Variants in RLF observed in about 807,000 individuals in gnomAD.
RLF encodes RLF zinc finger.
RLF carries 7 observed loss-of-function variants against 162.9 expected under a neutral mutation model. That is an observed-to-expected ratio of 0.04 (90% confidence interval 0.02 to 0.08). The LOEUF is 0.08. Ranked by LOEUF, RLF falls within the 10% of genes least tolerant of loss-of-function variation. The pLI is 1.00. For synonymous variants in RLF, 782 were observed against 791.5 expected, an observed-to-expected ratio of 0.99 and a Z score of 0.20; for missense variants, 1,664 against 2,244.7, an observed-to-expected ratio of 0.74 and a Z score of 5.23.
At chr1:40,179,662 C>T (rs1265042173) in intron 1 of RLF, among the ~76,000 whole-genome samples, 4 of 150,466 alleles carry the variant, frequency 2.7e-5, no homozygotes, top group Non-Finnish European at 2.9e-5. Context: ...CATTGTTGTG[C>T]AACCATTACC....
Position 40,236,499 on chromosome 1 carries a change from T to C in RLF, c.1797T>C (p.Pro599=). The C allele has an allele frequency of 6.2e-7, 1 of 1,613,780 alleles. No homozygotes were observed. The highest frequency in any genetic ancestry group is 1.7e-5 in the Admixed American group (1 of 59,954). The part of the protein sequence containing the change: ...KKFKRKEMFV[P]HVMEHVKMPP... ...TTAAGAGAAAAGAAATGTTTGTTCC[T>C]CATGTGATGGAGCATGTTAAAATGC... is the stretch of plus-strand genomic sequence containing the variant. Residue 599 remains proline, a synonymous_variant, in exon 8 of 8, where the codon CCT becomes CCC. Coordinates refer to ENST00000372771, the MANE Select transcript of RLF (RefSeq NM_012421.4). This position sits in a 1 kb window ranked among gnomAD's most constrained non-coding sequence, Gnocchi z 7.7.
intron 1 of RLF, chr1:40,177,988 TCA>T (rs1429365734): frequency 6.5e-6 from 1 of 153,962 alleles, no homozygotes; most frequent in Non-Finnish European, 1.5e-5. Context: ...GAAGAGTACT[TCA>T]AATGCAGTAA....
In RLF at chr1:40,238,388, C is replaced by T. The variant is rs1384031626; in HGVS notation, c.3686C>T (p.Ala1229Val). ...GATAGGTTGAAAGGTGATTGTTCTG[C>T]AGAACTTGGAGGTGATCCCAGTAGT... ...SVDRLKGDCS[A>V]ELGGDPSSNS... The change falls in exon 8 of 8, where the codon GCA (alanine) becomes GTA (valine). Residue 1229 changes from alanine (A) to valine (V), a missense_variant. Coordinates refer to ENST00000372771, the MANE Select transcript of RLF (RefSeq NM_012421.4). This position sits in a 1 kb window ranked among gnomAD's most constrained non-coding sequence, Gnocchi z 5.2. 3 of 1,614,042 alleles carry T rather than the reference C, an allele frequency of 1.9e-6. No homozygotes were observed. The African/African-American group carries it at 4.0e-5, about 22-fold the overall frequency.
chr1:40,196,458 A>T (rs1642638310), intron 4 of RLF, among the ~76,000 whole-genome samples: 1 of 151,844 alleles, frequency 6.6e-6, no homozygotes, highest in Admixed American at 6.6e-5. Context: ...ATTGGAATTC[A>T]TTGTTTTATA....
chr1:40,237,235 A>G lies in RLF; in HGVS notation c.2533A>G (p.Thr845Ala). 1 of 1,614,042 alleles carries G rather than the reference A, an allele frequency of 6.2e-7. No homozygotes were observed. The highest frequency in any genetic ancestry group is 8.5e-7 in the Non-Finnish European group (1 of 1,179,982). Residue 845 changes from threonine to alanine, a missense_variant, in exon 8 of 8, where the codon ACA becomes GCA. By Grantham distance (58) the Thr-to-Ala change is moderately conservative. Coordinates refer to ENST00000372771, the MANE Select transcript of RLF (RefSeq NM_012421.4). The surrounding 1 kb of genome is among the most constrained non-coding windows in gnomAD (Gnocchi z 4.4). ...ATCAGTGAAACTTGAGGAGTCTGCA[A>G]CAGGTGAAAAGCAAGATTGTATTAA... ...KKSVKLEESA[T>A]GEKQDCINQP...
intron 6 of RLF, among the ~76,000 whole-genome samples, chr1:40,227,502 A>G (rs1246136409): frequency 6.6e-6 from 1 of 152,208 alleles, no homozygotes; most frequent in African/African-American, 2.4e-5. Context: ...CCTCATGAGT[A>G]ACATACTGGC....
At chr1:40,173,426 G>T (rs1014894671) in intron 1 of RLF, among the ~76,000 whole-genome samples, 1 of 151,244 alleles carries the variant, frequency 6.6e-6, no homozygotes, top group Non-Finnish European at 1.5e-5. Context: ...TTTTTTGTGA[G>T]GTTTACCTTT....
rs199909677 is a variant in RLF, at chr1:40,240,240, A to G, written c.5538A>G (p.Leu1846=). The stretch of plus-strand genomic sequence containing the variant: ...AGAACCTGACTGCAATCCCACCTTT[A>G]ATAGTAGCTGAAACAACAACAGTTC... ...IHENLTAIPP[L]IVAETTTVPS... Residue 1846 remains leucine, a synonymous_variant, in exon 8 of 8, where the codon TTA becomes TTG. Transcript: ENST00000372771. 97 of 1,614,064 alleles carry G rather than the reference A, an allele frequency of 6.0e-5. No homozygotes were observed. Among genetic ancestry groups the G allele is most frequent in the Non-Finnish European group, 7.7e-5 (91 of 1,180,038 alleles).
chr1:40,217,356 A>G (rs1272666452), intron 5 of RLF, among the ~76,000 whole-genome samples: 1 of 152,102 alleles, frequency 6.6e-6, no homozygotes, highest in Non-Finnish European at 1.5e-5. Flanking sequence ...AGTCCCAGCT[A>G]CCTTGGAGGC....
At chr1:40,185,466 C>T (rs1330482473) in intron 1 of RLF, among the ~76,000 whole-genome samples, 1 of 119,472 alleles carries the variant, frequency 8.4e-6, no homozygotes, top group African/African-American at 3.2e-5. Context: ...GAAAGGATTA[C>T]AGCCATCCTG....
At chr1:40,205,821 G>T (rs977715745) in intron 5 of RLF, among the ~76,000 whole-genome samples, 4 of 152,136 alleles carry the variant, frequency 2.6e-5, no homozygotes, top group Middle Eastern at 3.4e-3. Context: ...ATTCTAATAT[G>T]ACCTTTGCCC....
In RLF at chr1:40,180,043, A is replaced by T. The variant is rs952458956; in HGVS notation, c.238-9012A>T. Among the ~76,000 whole-genome samples, 3 of 152,256 alleles carry T rather than the reference A, an allele frequency of 2.0e-5. No individual in the cohort carries two copies. The South Asian group carries it at 6.2e-4, about 32-fold the overall frequency. ...GGCTATTGTAAATAATGCTGCTGTG[A>T]ACACGCGTGTACAAATACCTCTTCA... On this transcript the variant is annotated intron_variant, in intron 1 of 7. Coordinates refer to ENST00000372771, the MANE Select transcript of RLF (RefSeq NM_012421.4).
At chr1:40,181,999 C>T (rs765943188) in intron 1 of RLF, among the ~76,000 whole-genome samples, 2 of 151,922 alleles carry the variant, frequency 1.3e-5, no homozygotes, top group Non-Finnish European at 2.9e-5. Context: ...ACATTATGTC[C>T]ATAAATAAAT....
Position 40,238,783 on chromosome 1 carries a change from A to G in RLF, c.4081A>G (p.Ile1361Val). Residue 1361 changes from isoleucine to valine, a missense_variant, in exon 8 of 8, where the codon ATA (isoleucine) becomes GTA (valine). Around this residue, in one of 15 missense-constraint regions of RLF, gnomAD observed 200 missense variants for 207.3 expected, o/e 0.96. Coordinates refer to ENST00000372771, the MANE Select transcript of RLF (RefSeq NM_012421.4). This position sits in a 1 kb window ranked among gnomAD's most constrained non-coding sequence, Gnocchi z 5.2. The part of the protein sequence containing the change: ...TKRELVKCKK[I>V]FACKYKECNK... ...AAGGGAACTTGTCAAATGTAAAAAGATATTTGCTTGCAAATATAAGGAATG... is the reference window on the plus strand; with the variant it reads ...AAGGGAACTTGTCAAATGTAAAAAGGTATTTGCTTGCAAATATAAGGAATG... The G allele has an allele frequency of 6.2e-7, 1 of 1,612,878 alleles. No individual in the cohort carries two copies. Among genetic ancestry groups the G allele is most frequent in the Non-Finnish European group, 8.5e-7 (1 of 1,179,640 alleles).
At chr1:40,206,816 A>T (rs1642802243) in intron 5 of RLF, among the ~76,000 whole-genome samples, 1 of 152,108 alleles carries the variant, frequency 6.6e-6, no homozygotes, top group African/African-American at 2.4e-5. Context: ...TCTGACGAGA[A>T]TTGCCTTCCA....
At chr1:40,230,109 C>T (rs1012786560) in intron 6 of RLF, among the ~76,000 whole-genome samples, 20 of 148,934 alleles carry the variant, frequency 1.3e-4, no homozygotes, top group African/African-American at 3.5e-4. Context: ...AGCAAAGCTC[C>T]GTCTCAAAAA....
At chr1:40,166,802 A>T (rs922065745) in intron 1 of RLF, among the ~76,000 whole-genome samples, 2 of 141,356 alleles carry the variant, frequency 1.4e-5, no homozygotes, top group African/African-American at 5.3e-5. Context: ...GGAATTGAAC[A>T]GTGAGAACAC....
intron 2 of RLF, 130 bp downstream of exon 2, chr1:40,189,339 T>C: frequency 1.4e-6 from 1 of 716,510 alleles, no homozygotes. Context: ...TGAATGAAAT[T>C]TCCTTCCTAC....
intron 1 of RLF, among the ~76,000 whole-genome samples, chr1:40,185,897 C>T (rs2124533496): frequency 6.9e-6 from 1 of 145,288 alleles, no homozygotes; most frequent in East Asian, 2.1e-4. Flanking sequence ...TGGCTTTTGC[C>T]TGTAATCCCA....
Sources: allele counts gnomAD v4.1 joint callset (sites outside exome capture counted in the v4.1 genomes callset), GRCh38; gene constraint gnomAD v4.1.1; regional missense constraint gnomAD v4.1.1; non-coding constraint Gnocchi (gnomAD v3.1); transcripts MANE v1.5; gene names NCBI Gene and HGNC (gene_info 2026-07-23, HGNC 2026-07-21).